CTNND2: variants seen among roughly 807,000 people sequenced by gnomAD.
CTNND2 encodes catenin delta-2.
In CTNND2, 22 loss-of-function variants were observed where a neutral mutation model predicts 144.4. That is an observed-to-expected ratio of 0.15 (90% CI 0.11 to 0.22). CTNND2 has a LOEUF of 0.22. CTNND2 is among the 10% of genes least tolerant of loss of function. CTNND2 has a pLI of 1.00. For missense variants in CTNND2, 1,353 were observed against 1,618.8 expected, an observed-to-expected ratio of 0.84 and a Z score of 2.82; for synonymous variants, 751 against 695.6, an observed-to-expected ratio of 1.08 and a Z score of -1.25.
At chr5:11,282,579 C>A (rs961024203) in intron 9 of CTNND2, among the ~76,000 whole-genome samples, 4 of 152,216 alleles carry the variant, frequency 2.6e-5, no homozygotes, top group Non-Finnish European at 5.9e-5. Context: ...CTGATGCATA[C>A]ACTGTTAGGG....
At chr5:11,706,230 G>A (rs1785685309) in intron 2 of CTNND2, among the ~76,000 whole-genome samples, 1 of 152,184 alleles carries the variant, frequency 6.6e-6, no homozygotes, top group South Asian at 2.1e-4. Flanking sequence ...CAGCTAGTCT[G>A]TGCCTGGACA....
chr5:11,888,516 C>A (rs1410655890), intron 1 of CTNND2, among the ~76,000 whole-genome samples: 5 of 152,160 alleles, frequency 3.3e-5, no homozygotes, highest in Non-Finnish European at 4.4e-5. Flanking sequence ...GAATTCCAAT[C>A]TCTTATTTGT....
intron 2 of CTNND2, among the ~76,000 whole-genome samples, chr5:11,677,776 T>G (rs1561684567): frequency 6.6e-6 from 1 of 152,158 alleles, no homozygotes; most frequent in Non-Finnish European, 1.5e-5. Context: ...GTGTGTGGTT[T>G]CCACATAAAA....
At chr5:11,182,859 A>T (rs1284824085) in intron 11 of CTNND2, among the ~76,000 whole-genome samples, 2 of 152,186 alleles carry the variant, frequency 1.3e-5, no homozygotes. Flanking sequence ...CCCTAATGGC[A>T]AGCAGCTTTA....
chr5:11,142,361 G>C (rs1315059028), intron 12 of CTNND2, among the ~76,000 whole-genome samples: 2 of 152,132 alleles, frequency 1.3e-5, no homozygotes, highest in African/African-American at 4.8e-5. Flanking sequence ...AAACGGATCA[G>C]ATAATATTCT....
chr5:11,106,134 A>G (rs1045682208), intron 14 of CTNND2, among the ~76,000 whole-genome samples: 2 of 152,224 alleles, frequency 1.3e-5, no homozygotes, highest in Non-Finnish European at 2.9e-5. Flanking sequence ...ATTTAGAGTG[A>G]TTAAGATAAA....
At chr5:11,635,613 G>T (rs559206184) in intron 2 of CTNND2, among the ~76,000 whole-genome samples, 1 of 152,102 alleles carries the variant, frequency 6.6e-6, no homozygotes, top group Non-Finnish European at 1.5e-5. Context: ...ATATTCTAAC[G>T]AAATATGCAT....
At chr5:11,312,356 G>A (rs1193984917) in intron 9 of CTNND2, among the ~76,000 whole-genome samples, 2 of 151,982 alleles carry the variant, frequency 1.3e-5, no homozygotes, top group Non-Finnish European at 2.9e-5. Context: ...AGAAAAAGGG[G>A]TTTAATCGGA....
At chr5:10,992,799 C>T in intron 18 of CTNND2, 122 bp from the exon 19 acceptor site, 1 of 1,334,594 alleles carries the variant, frequency 7.5e-7, no homozygotes, top group Non-Finnish European at 1.0e-6. Flanking sequence ...AGAAGAGGTT[C>T]TTGAAGTTCT....
At chr5:11,638,313 CTA>C (rs1242289333) in intron 2 of CTNND2, among the ~76,000 whole-genome samples, 3 of 152,048 alleles carry the variant, frequency 2.0e-5, no homozygotes, top group African/African-American at 7.2e-5. Context: ...GTATCTTATT[CTA>C]TGTTTGCCAA....
chr5:11,495,386 T>A (rs570819191), intron 3 of CTNND2, among the ~76,000 whole-genome samples: 1 of 122,098 alleles, frequency 8.2e-6, no homozygotes, highest in African/African-American at 2.7e-5. Flanking sequence ...TTAAAATAAT[T>A]ATTTATTCAA....
intron 9 of CTNND2, 138 bp from the exon 10 acceptor site, chr5:11,236,961 T>C (rs1259974565): frequency 7.1e-5 from 58 of 814,162 alleles, no homozygotes; most frequent in Non-Finnish European, 3.1e-5. Flanking sequence ...TTTTCTTACA[T>C]GCAGACCCAT....
At chr5:11,516,969 C>T (rs1772219193) in intron 3 of CTNND2, among the ~76,000 whole-genome samples, 1 of 152,118 alleles carries the variant, frequency 6.6e-6, no homozygotes, top group South Asian at 2.1e-4. Flanking sequence ...TATGTAGTTA[C>T]TACTATATAA....
At chr5:11,143,159 A>T (rs1756913659) in intron 12 of CTNND2, among the ~76,000 whole-genome samples, 1 of 152,152 alleles carries the variant, frequency 6.6e-6, no homozygotes, top group African/African-American at 2.4e-5. Context: ...ACAGAGGGCT[A>T]TCCTATTATT....
intron 1 of CTNND2, among the ~76,000 whole-genome samples, chr5:11,864,692 C>T (rs1422266740): frequency 1.3e-5 from 2 of 152,040 alleles, no homozygotes; most frequent in East Asian, 3.9e-4. Context: ...ATGTGAGTGG[C>T]ATCCCTGGAC....
At chr5:10,986,471 G>T (rs754646046) in intron 20 of CTNND2, among the ~76,000 whole-genome samples, 1 of 152,302 alleles carries the variant, frequency 6.6e-6, no homozygotes, top group Middle Eastern at 3.4e-3. Flanking sequence ...ACATTGAAAG[G>T]GTCAGTTGAA....
intron 9 of CTNND2, among the ~76,000 whole-genome samples, chr5:11,342,337 T>G (rs1013764005): frequency 3.9e-5 from 6 of 152,326 alleles, no homozygotes; most frequent in South Asian, 2.1e-4. Flanking sequence ...CTTAGTCAAA[T>G]TTTGCGGTTT....
chr5:11,753,208 T>TGTGTTGAATGGAAGTGGTGACA, intron 1 of CTNND2, among the ~76,000 whole-genome samples: 1 of 151,982 alleles, frequency 6.6e-6, no homozygotes, highest in South Asian at 2.1e-4. Context: ...CTTCCAGAAC[T>TGTGTTGAATGGAAGTGGTGACA]GTGTTGAATG....
intron 3 of CTNND2, among the ~76,000 whole-genome samples, chr5:11,464,769 A>G (rs1039430250): frequency 6.6e-6 from 1 of 152,154 alleles, no homozygotes; most frequent in Admixed American, 6.5e-5. Flanking sequence ...GGGTGACAAG[A>G]TTGGCTATTG....
Sources: gnomAD v4.1 joint callset for allele counts (sites outside exome capture counted in the v4.1 genomes callset) on GRCh38, gnomAD v4.1.1 for gene constraint, MANE v1.5 for transcripts, NCBI Gene and HGNC (gene_info 2026-07-23, HGNC 2026-07-21) for gene names.